The following LYN variants were observed in gnomAD, a reference collection of about 807,000 sequenced individuals.
LYN encodes tyrosine-protein kinase Lyn.
A neutral mutation model predicts 65.0 loss-of-function variants in LYN; 12 were observed. The ratio of observed to expected loss-of-function variants is 0.18; its 90% confidence interval spans 0.12 to 0.30. The LOEUF is 0.30. Among genes scored for constraint, LYN ranks in the 10% least tolerant of loss-of-function variants. The pLI, the probability that LYN is intolerant of heterozygous loss-of-function variation, is 1.00. For missense variants in LYN, 380 were observed against 623.2 expected, an observed-to-expected ratio of 0.61 and a Z score of 4.16; for synonymous variants, 222 against 221.2, an observed-to-expected ratio of 1.00 and a Z score of -0.03.
chr8:55,906,847 G>A (rs980942354), intron 1 of LYN, among the ~76,000 whole-genome samples: 4 of 152,190 alleles, frequency 2.6e-5, no homozygotes, highest in Admixed American at 1.3e-4. Flanking sequence ...CCTCCTGTAA[G>A]CTGAGAGCCC....
intron 1 of LYN, among the ~76,000 whole-genome samples, chr8:55,929,777 T>A (rs1482288061): frequency 6.6e-6 from 1 of 152,190 alleles, no homozygotes; most frequent in Non-Finnish European, 1.5e-5. Flanking sequence ...TGGCTTGAAA[T>A]GTCAGTAGTG....
At chr8:55,882,436 T>C (rs1046225742) in intron 1 of LYN, among the ~76,000 whole-genome samples, 2 of 152,236 alleles carry the variant, frequency 1.3e-5, no homozygotes, top group Non-Finnish European at 1.5e-5. Flanking sequence ...GAGTTGTAAC[T>C]TAACAAAATT....
At chr8:55,976,277 A>G (rs1807748287) in intron 10 of LYN, among the ~76,000 whole-genome samples, 1 of 150,958 alleles carries the variant, frequency 6.6e-6, no homozygotes, top group African/African-American at 2.4e-5. Context: ...CAGTGAGCCA[A>G]GATCACACCA....
intron 8 of LYN, among the ~76,000 whole-genome samples, chr8:55,958,314 G>C (rs1807178182): frequency 6.6e-6 from 1 of 152,170 alleles, no homozygotes. Context: ...GTGGTGCCTA[G>C]GAGAAACAAG....
At chr8:55,967,001 T>A in intron 9 of LYN, 104 bp downstream of exon 9, 2 of 1,037,780 alleles carry the variant, frequency 1.9e-6, no homozygotes, top group East Asian at 2.7e-5. Flanking sequence ...TCAAACAGTA[T>A]ACCCACTACC....
At chr8:55,898,143 C>CT (rs1317840945) in intron 1 of LYN, among the ~76,000 whole-genome samples, 2 of 151,030 alleles carry the variant, frequency 1.3e-5, no homozygotes, top group African/African-American at 4.9e-5. Context: ...CAAAAAAAAA[C>CT]TTTCTTGTGC....
intron 10 of LYN, among the ~76,000 whole-genome samples, chr8:55,987,003 G>A (rs61308942): frequency 0.01 from 1,540 of 152,200 alleles, 30 homozygotes; most frequent in African/African-American, 0.036. Flanking sequence ...GGTGGGAGCC[G>A]CCACATTCGG....
intron 10 of LYN, among the ~76,000 whole-genome samples, chr8:55,984,041 A>G (rs889711846): frequency 2.0e-5 from 3 of 151,812 alleles, no homozygotes; most frequent in African/African-American, 7.3e-5. Flanking sequence ...TGTCTTGTTG[A>G]CCGCACTGCT....
rs548868424 is a variant in LYN at position 55,949,055 on chromosome 8, C to T, written c.284+1332C>T. Among the ~76,000 whole-genome samples the T allele has an allele frequency of 3.3e-5, 5 of 152,322 alleles. No individual in the cohort carries two copies. In the South Asian group the frequency reaches 8.3e-4, roughly 25 times the overall value. Reference sequence around the variant, plus strand: ...CTGCTTGCTTCTTCCAGTGCTCATCCCTGCCTCCTCCCTGGCTCCATGCCT... The same window carrying T: ...CTGCTTGCTTCTTCCAGTGCTCATCTCTGCCTCCTCCCTGGCTCCATGCCT... On this transcript the variant is annotated intron_variant, in intron 4 of 12. Transcript: ENST00000519728.
chr8:55,947,647 G>A lies in LYN; in HGVS notation c.208G>A (p.Ala70Thr), dbSNP rs774711116. 12 of 1,613,456 alleles carry A rather than the reference G, an allele frequency of 7.4e-6. No individual in the cohort carries two copies. Among genetic ancestry groups the A allele is most frequent in the African/African-American group, 2.7e-5 (2 of 74,926 alleles). Reference protein sequence around the residue: ...DPEEQGDIVVALYPYDGIHPD... With the variant: ...DPEEQGDIVVTLYPYDGIHPD... Reference sequence around the variant, plus strand: ...AGAGGAACAAGGAGACATTGTGGTAGCCTTGTACCCCTATGATGGCATCCA... The same window carrying A: ...AGAGGAACAAGGAGACATTGTGGTAACCTTGTACCCCTATGATGGCATCCA... Residue 70 changes from alanine (A) to threonine (T), a missense_variant, in exon 4 of 13, where the codon GCC (alanine) becomes ACC (threonine). Around this residue, in one of 2 missense-constraint regions of LYN, gnomAD observed 157 missense variants for 193.2 expected, o/e 0.81. Transcript: ENST00000519728.
At chr8:55,966,953 T>A (rs1024932524) in intron 9 of LYN, 56 bp downstream of exon 9, 84 of 1,522,726 alleles carry the variant, frequency 5.5e-5, no homozygotes, top group Non-Finnish European at 7.1e-5. Flanking sequence ...AAAAGTAAAA[T>A]GTGTAAGTGT....
chr8:55,970,715 C>G (rs549463676), intron 10 of LYN, among the ~76,000 whole-genome samples: 1 of 152,096 alleles, frequency 6.6e-6, no homozygotes, highest in African/African-American at 2.4e-5. Flanking sequence ...AGCACCTCAC[C>G]TAAGGTAGGG....
intron 1 of LYN, among the ~76,000 whole-genome samples, chr8:55,933,282 T>C (rs1806322167): frequency 6.6e-6 from 1 of 152,234 alleles, no homozygotes; most frequent in Non-Finnish European, 1.5e-5. Flanking sequence ...CTGATCATCT[T>C]GTAAGTTGAA....
intron 1 of LYN, among the ~76,000 whole-genome samples, chr8:55,920,697 A>G (rs60087681): frequency 0.045 from 6,840 of 151,886 alleles, 187 homozygotes; most frequent in African/African-American, 0.08. Context: ...TTGAGACAGT[A>G]TCTCACTCTG....
intron 1 of LYN, chr8:55,894,022 C>T (rs1208035874): frequency 6.6e-6 from 1 of 151,982 alleles, no homozygotes; most frequent in Non-Finnish European, 1.5e-5. Context: ...TGCACAGGCA[C>T]TGGACCCATC....
chr8:55,952,867 C>T (rs1176438203), intron 7 of LYN, among the ~76,000 whole-genome samples: 1 of 152,130 alleles, frequency 6.6e-6, no homozygotes, highest in Non-Finnish European at 1.5e-5. Context: ...TTAGAAGTGG[C>T]AGGTCAATGT....
chr8:56,006,296 G>A (rs1252087261), intron 12 of LYN, among the ~76,000 whole-genome samples: 1 of 152,142 alleles, frequency 6.6e-6, no homozygotes, highest in African/African-American at 2.4e-5. Flanking sequence ...TTGGTCACAA[G>A]CAAAGCTCAG....
intron 4 of LYN, among the ~76,000 whole-genome samples, chr8:55,949,621 A>G (rs890020211): frequency 3.3e-5 from 5 of 152,222 alleles, no homozygotes; most frequent in African/African-American, 1.2e-4. Flanking sequence ...ATTTTGATAC[A>G]TGTATGCAGT....
At position 55,942,021 on chromosome 8, in the gene LYN, C is replaced by T; in HGVS notation, c.132+30C>T. 6 of 1,610,078 alleles carry T rather than the reference C, an allele frequency of 3.7e-6. 1 individual carries two copies. The South Asian group carries it at 5.5e-5, about 15-fold the overall frequency. On this transcript the variant is annotated intron_variant, in intron 2 of 12. Transcript: ENST00000519728. ...GTAGATAGTCTCAGGGGAGAATTCC[C>T]ACAGCAAGATCAAAGCATGGCTACA...
Sources: allele counts gnomAD v4.1 joint callset (sites outside exome capture counted in the v4.1 genomes callset), GRCh38; gene constraint gnomAD v4.1.1; regional missense constraint gnomAD v4.1.1; transcripts MANE v1.5; gene names NCBI Gene and HGNC (gene_info 2026-07-23, HGNC 2026-07-21).